Variants in CPS1 observed in about 807,000 individuals in gnomAD.
CPS1 encodes carbamoyl-phosphate synthase [ammonia], mitochondrial.
In CPS1, 109 loss-of-function variants were observed where a neutral mutation model predicts 174.6. The ratio of observed to expected loss-of-function variants is 0.62; its 90% CI spans 0.53 to 0.73. The LOEUF is 0.73. CPS1 is among the 30% of genes least tolerant of loss of function. CPS1 has a pLI of 0.00. For missense variants in CPS1, 1,689 were observed against 1,821.9 expected (o/e 0.93, Z 1.33); for synonymous variants, 637 against 632.0 (o/e 1.01, Z -0.12).
At chr2:210,587,906 CA>C in intron 6 of CPS1, 151 bp from the exon 7 acceptor site, 2 of 778,138 alleles carry the variant, frequency 2.6e-6, no homozygotes, top group Non-Finnish European at 4.7e-6. Context: ...GCCTTTCTTA[CA>C]AACTGTTTGT....
intron 1 of CPS1, among the ~76,000 whole-genome samples, chr2:210,487,633 G>A (rs1694764459): frequency 6.6e-6 from 1 of 152,086 alleles, no homozygotes; most frequent in Admixed American, 6.5e-5. Context: ...TTCTTCCGAT[G>A]ACTTGATGTC....
At chr2:210,653,985 T>C (rs770356213) in intron 28 of CPS1, 40 bp from the exon 29 acceptor site, 2 of 1,506,240 alleles carry the variant, frequency 1.3e-6, no homozygotes, top group East Asian at 4.5e-5. Flanking sequence ...ATACATAGCG[T>C]TAGCTAAATG....
chr2:210,514,090 A>G (rs1695606573), intron 1 of CPS1, among the ~76,000 whole-genome samples: 1 of 151,736 alleles, frequency 6.6e-6, no homozygotes, highest in African/African-American at 2.4e-5. Context: ...CTGTAGCTTT[A>G]TAGTATAGTT....
intron 1 of CPS1, among the ~76,000 whole-genome samples, chr2:210,509,279 C>A (rs1375494006): frequency 2.0e-5 from 3 of 152,030 alleles, no homozygotes. Context: ...ATGACAAAAA[C>A]CACATGATTA....
chr2:210,559,046 A>C (rs1241593612), intron 1 of CPS1, among the ~76,000 whole-genome samples: 1 of 152,088 alleles, frequency 6.6e-6, no homozygotes, highest in African/African-American at 2.4e-5. Flanking sequence ...GTTATTATTC[A>C]GTTATTGTGA....
chr2:210,648,321 G>A (rs972344577), intron 26 of CPS1, 152 bp from the exon 27 acceptor site: 3 of 713,780 alleles, frequency 4.2e-6, no homozygotes, highest in Non-Finnish European at 6.9e-6. Flanking sequence ...CAGAAGCTAG[G>A]AATTTTATGT....
At chr2:210,639,063 A>G in intron 22 of CPS1, 87 bp from the exon 23 acceptor site, 1 of 957,298 alleles carries the variant, frequency 1.0e-6, no homozygotes, top group South Asian at 1.4e-5. Context: ...GAATTAAAGG[A>G]ATATGTATAT....
At chr2:210,611,993 A>G (rs1574591501) in intron 19 of CPS1, 124 bp from the exon 20 acceptor site, 8 of 738,952 alleles carry the variant, frequency 1.1e-5, no homozygotes, top group African/African-American at 1.9e-5. Flanking sequence ...TTAATTTGAG[A>G]GGCTTTATGA....
intron 21 of CPS1, among the ~76,000 whole-genome samples, chr2:210,632,141 AAT>A (rs1699889716): frequency 6.6e-6 from 1 of 152,214 alleles, no homozygotes; most frequent in South Asian, 2.1e-4. Context: ...GAAAAATAAA[AAT>A]GTTATAGCCT....
intron 1 of CPS1, chr2:210,519,867 A>T: frequency 1.2e-6 from 1 of 817,922 alleles, no homozygotes; most frequent in Non-Finnish European, 1.5e-6. Flanking sequence ...GGTTGTAGTG[A>T]TATAATCAGA....
intron 21 of CPS1, chr2:210,631,203 A>C (rs1699859222): frequency 6.6e-6 from 1 of 152,108 alleles, no homozygotes; most frequent in Non-Finnish European, 1.5e-5. Flanking sequence ...GGACTGTGTG[A>C]AGTGCGCTGG....
At chr2:210,657,199 T>G (rs1409726601) in intron 30 of CPS1, among the ~76,000 whole-genome samples, 1 of 152,186 alleles carries the variant, frequency 6.6e-6, no homozygotes, top group Non-Finnish European at 1.5e-5. Flanking sequence ...CAGCACTTTT[T>G]GATATCTCTT....
chr2:210,490,094 T>G (rs576516719), intron 1 of CPS1, among the ~76,000 whole-genome samples: 1 of 147,478 alleles, frequency 6.8e-6, no homozygotes, highest in East Asian at 2.0e-4. Context: ...AAGAAAGAAA[T>G]AAACATATTT....
At chr2:210,590,331 A>G (rs1698252350) in intron 8 of CPS1, 97 bp downstream of exon 8, 1 of 1,556,226 alleles carries the variant, frequency 6.4e-7, no homozygotes. Flanking sequence ...TTATTCAGGC[A>G]TTTTTCAATG....
intron 21 of CPS1, among the ~76,000 whole-genome samples, chr2:210,628,307 T>C (rs1162775098): frequency 1.3e-5 from 2 of 152,176 alleles, no homozygotes; most frequent in Non-Finnish European, 2.9e-5. Flanking sequence ...AATAAAGATA[T>C]CTGCTTTCCA....
chr2:210,558,366 A>G (rs1696988097), intron 1 of CPS1, among the ~76,000 whole-genome samples: 1 of 151,934 alleles, frequency 6.6e-6, no homozygotes, highest in African/African-American at 2.4e-5. Context: ...AGTTATATAT[A>G]TTTTCTTGAA....
Position 210,595,514 on chromosome 2 carries a change from G to A in CPS1, c.1291G>A (p.Gly431Arg), listed in dbSNP as rs778766382. The A allele has an allele frequency of 6.2e-7, 1 of 1,611,510 alleles. No homozygotes were observed. Among genetic ancestry groups the A allele is most frequent in the South Asian group, 1.1e-5 (1 of 91,022 alleles). Residue 431 changes from glycine (G) to arginine (R), a missense_variant, in exon 13 of 38, where the codon GGA becomes AGA. Gly to Arg is a moderately radical substitution (Grantham distance 125). Transcript: ENST00000233072. ...TTCCAAAGTCCTTATTCTAGGATCA[G>A]GAGGTCTGTCCATTGGTCAGGCTGG... ...EVSKVLILGS[G>R]GLSIGQAGEF...
chr2:210,499,902 A>T (rs1169493545), intron 1 of CPS1, among the ~76,000 whole-genome samples: 1 of 152,120 alleles, frequency 6.6e-6, no homozygotes. Flanking sequence ...GTGTTGTATT[A>T]GTTTGTTCTC....
chr2:210,664,808 T>C (rs997376639), intron 33 of CPS1, among the ~76,000 whole-genome samples: 5 of 152,186 alleles, frequency 3.3e-5, no homozygotes, highest in Non-Finnish European at 7.3e-5. Flanking sequence ...TAATTCCAAG[T>C]GTCATACAGT....
Sources: allele counts gnomAD v4.1 joint callset (sites outside exome capture counted in the v4.1 genomes callset), GRCh38; gene constraint gnomAD v4.1.1; transcripts MANE v1.5; gene names NCBI Gene and HGNC (gene_info 2026-07-23, HGNC 2026-07-21).